KCNH5: variants seen among roughly 807,000 people sequenced by gnomAD.
The protein encoded by KCNH5 is voltage-gated delayed rectifier potassium channel KCNH5.
A neutral mutation model predicts 96.1 loss-of-function variants in KCNH5; 46 were observed. The ratio of observed to expected loss-of-function variants is 0.48; its 90% CI spans 0.38 to 0.61. KCNH5 has a LOEUF of 0.61. Among genes scored for constraint, KCNH5 ranks in the 20% least tolerant of loss-of-function variants. The pLI, the probability that KCNH5 is intolerant of heterozygous loss-of-function variation, is 0.00. For missense variants in KCNH5, 907 were observed against 1,225.8 expected (o/e 0.74, Z 3.88); for synonymous variants, 439 against 449.8 (o/e 0.98, Z 0.30).
intron 7 of KCNH5, among the ~76,000 whole-genome samples, chr14:62,878,226 T>C (rs1489240704): frequency 1.3e-5 from 2 of 150,562 alleles, no homozygotes; most frequent in Non-Finnish European, 2.9e-5. Flanking sequence ...AGGGATAGCA[T>C]TAGGAGATAT....
intron 6 of KCNH5, among the ~76,000 whole-genome samples, chr14:62,978,920 C>A (rs1028692751): frequency 2.0e-5 from 3 of 152,096 alleles, no homozygotes; most frequent in Non-Finnish European, 4.4e-5. Context: ...GTGGTGAGAA[C>A]ACTTTACACC....
chr14:62,725,329 TG>T (rs1171871265), intron 10 of KCNH5, among the ~76,000 whole-genome samples: 3 of 152,216 alleles, frequency 2.0e-5, no homozygotes, highest in Admixed American at 1.3e-4. Context: ...GTGTTACTTT[TG>T]GGTGGAAGAA....
intron 7 of KCNH5, among the ~76,000 whole-genome samples, chr14:62,887,695 G>A (rs1429484975): frequency 2.0e-5 from 3 of 152,198 alleles, no homozygotes; most frequent in Middle Eastern, 6.8e-3. Context: ...TATGAGGTGG[G>A]GAGAAAAGAC....
At chr14:62,746,304 A>C (rs1388490335) in intron 10 of KCNH5, among the ~76,000 whole-genome samples, 1 of 152,232 alleles carries the variant, frequency 6.6e-6, no homozygotes. Flanking sequence ...CCTGCCAAAT[A>C]TATTCAAAAC....
intron 1 of KCNH5, among the ~76,000 whole-genome samples, chr14:63,043,934 G>C (rs530881976): frequency 6.6e-6 from 1 of 152,180 alleles, no homozygotes; most frequent in Admixed American, 6.5e-5. Flanking sequence ...AAGAAGAGGG[G>C]ATGTGTATTA....
At chr14:63,001,203 G>T in intron 4 of KCNH5, 128 bp downstream of exon 4, 1 of 708,402 alleles carries the variant, frequency 1.4e-6, no homozygotes, top group Non-Finnish European at 2.2e-6. Context: ...CAGATTCCAA[G>T]CAATGAAGCA....
At chr14:62,893,730 ACAGAGCGAGACTC>A (rs113138804) in intron 7 of KCNH5, among the ~76,000 whole-genome samples, 6,710 of 152,244 alleles carry the variant, frequency 0.044, 207 homozygotes, top group African/African-American at 0.08. Flanking sequence ...AGCCTGGGCG[ACAGAGCGAGACTC>A]CAACTCAAAA....
chr14:62,767,845 T>C (rs1051912062), intron 10 of KCNH5, among the ~76,000 whole-genome samples: 1 of 152,190 alleles, frequency 6.6e-6, no homozygotes, highest in Non-Finnish European at 1.5e-5. Context: ...AAATGTGATA[T>C]GTATACACAC....
intron 10 of KCNH5, among the ~76,000 whole-genome samples, chr14:62,744,918 TA>T (rs1885344942): frequency 1.3e-5 from 2 of 152,178 alleles, no homozygotes; most frequent in Admixed American, 1.3e-4. Context: ...GTTTTCAGAA[TA>T]CCTTCCAATC....
At chr14:63,038,455 G>A (rs1594687840) in intron 1 of KCNH5, among the ~76,000 whole-genome samples, 1 of 152,054 alleles carries the variant, frequency 6.6e-6, no homozygotes, top group Non-Finnish European at 1.5e-5. Context: ...AGATCCATAT[G>A]ACTTTGTACT....
At chr14:62,874,892 A>C (rs2098124629) in intron 7 of KCNH5, among the ~76,000 whole-genome samples, 1 of 143,316 alleles carries the variant, frequency 7.0e-6, no homozygotes, top group Non-Finnish European at 1.5e-5. Flanking sequence ...GAAAAGAGGA[A>C]GTCAAATTGT....
intron 2 of KCNH5, among the ~76,000 whole-genome samples, chr14:63,012,722 A>G (rs1169257487): frequency 5.3e-5 from 8 of 152,058 alleles, no homozygotes; most frequent in Non-Finnish European, 8.8e-5. Context: ...TTAGACAACA[A>G]TCAGACATGA....
At chr14:63,010,442 A>C (rs1026528324) in intron 2 of KCNH5, among the ~76,000 whole-genome samples, 10 of 152,180 alleles carry the variant, frequency 6.6e-5, no homozygotes, top group African/African-American at 2.4e-4. Context: ...TCCAAAAGGC[A>C]GTGTGTCACT....
At chr14:62,934,153 A>ATTTTTT (rs1889633156) in intron 7 of KCNH5, among the ~76,000 whole-genome samples, 1 of 143,682 alleles carries the variant, frequency 7.0e-6, no homozygotes. Context: ...TTTTTTTGAG[A>ATTTTTT]TAGAGTCTCA....
intron 7 of KCNH5, among the ~76,000 whole-genome samples, chr14:62,938,064 CT>C (rs1257533748): frequency 1.2e-4 from 19 of 152,148 alleles, no homozygotes; most frequent in Admixed American, 1.2e-3. Flanking sequence ...TTGCTGATGC[CT>C]AAATAGGGGC....
intron 6 of KCNH5, among the ~76,000 whole-genome samples, chr14:62,959,150 T>C (rs951294284): frequency 6.6e-6 from 1 of 151,960 alleles, no homozygotes; most frequent in Non-Finnish European, 1.5e-5. Context: ...AACTCAAACA[T>C]ACAAAAAAAC....
chr14:62,720,284 G>A (rs1347312885), intron 10 of KCNH5, among the ~76,000 whole-genome samples: 2 of 152,208 alleles, frequency 1.3e-5, no homozygotes, highest in African/African-American at 4.8e-5. Context: ...GATTTTACCT[G>A]TGAGGGGAGG....
At chr14:63,023,004 G>C (rs1891457634) in intron 1 of KCNH5, among the ~76,000 whole-genome samples, 1 of 151,968 alleles carries the variant, frequency 6.6e-6, no homozygotes, top group Non-Finnish European at 1.5e-5. Context: ...AGGAGATCGA[G>C]GCCAGCCTAG....
intron 8 of KCNH5, among the ~76,000 whole-genome samples, chr14:62,816,838 A>G (rs1210238995): frequency 6.6e-6 from 1 of 151,460 alleles, no homozygotes; most frequent in Non-Finnish European, 1.5e-5. Context: ...ACTCTTTTTC[A>G]TTCTTTTTTC....
Sources: allele counts gnomAD v4.1 joint callset (sites outside exome capture counted in the v4.1 genomes callset), GRCh38; gene constraint gnomAD v4.1.1; transcripts MANE v1.5; gene names NCBI Gene and HGNC (gene_info 2026-07-23, HGNC 2026-07-21).